RALGDS: variants seen among roughly 807,000 people sequenced by gnomAD.
RALGDS encodes ral guanine nucleotide exchange factor.
Under a neutral mutation model 99.8 loss-of-function variants are expected in RALGDS, and 44 were observed. The observed-to-expected ratio is 0.44, with a 90% CI of 0.35 to 0.57. The LOEUF is 0.57. Among genes scored for constraint, RALGDS ranks in the 20% least tolerant of loss-of-function variants. The probability of loss-of-function intolerance (pLI) is 0.01; values close to 1 mark genes in which losing one functional copy is unlikely to be tolerated. For synonymous variants in RALGDS, 529 were observed against 505.0 expected, an observed-to-expected ratio of 1.05 and a Z score of -0.64; for missense variants, 1,022 against 1,203.1, an observed-to-expected ratio of 0.85 and a Z score of 2.23.
rs1218963495 is a variant in RALGDS at position 133,105,907 on chromosome 9, C to CAG, written c.1602+24_1602+25insCT. 8.5e-5 allele frequency: 78 copies of CAG among 912,894 alleles called. No individual in the cohort carries two copies. The African/African-American group carries it at 1.6e-3, about 18-fold the overall frequency. The allele number at this position is 912,894 out of a possible 1,614,324, so 56.5% of individuals were successfully genotyped here. A position where few individuals can be genotyped will look rare whatever the true frequency, so the allele number is the denominator to read the frequency against. On this transcript the variant is annotated intron_variant, in intron 9 of 17. Transcript: ENST00000372050. The stretch of plus-strand genomic sequence containing the variant: ...CCCGCCCCAGCCCCCGCCCCAGCCC[C>CAG]CGCCCCAGCCTGCCGCCACTCCACC...
At chr9:133,143,786 CAATAATAAT>C (rs144862270) in intron 1 of RALGDS, among the ~76,000 whole-genome samples, 2,306 of 125,334 alleles carry the variant, frequency 0.018, 34 homozygotes, top group Non-Finnish European at 0.025. Flanking sequence ...ACAACAACAA[CAATAATAAT>C]AATAATAATA....
Position 133,098,134 on chromosome 9 carries a change from A to G in RALGDS, c.*453T>C. 3.5e-6 allele frequency: 1 copy of G among 288,718 alleles called. No individual in the cohort carries two copies. Among genetic ancestry groups the G allele is most frequent in the Admixed American group, 4.7e-5 (1 of 21,258 alleles). 17.9% of individuals were successfully genotyped at this position (288,718 alleles called of 1,614,324 possible). On this transcript the variant is annotated 3_prime_UTR_variant, in exon 18 of 18. Transcript: ENST00000372050. ...TTTGGTGCAGCCTGAGAAAGGCTAG[A>G]GTGGTGGGAGGGGCCGGGACCCCTG...
intron 15 of RALGDS, 28 bp from the exon 16 acceptor site, chr9:133,101,790 C>T (rs764504473): frequency 6.3e-7 from 1 of 1,579,018 alleles, no homozygotes; most frequent in Non-Finnish European, 8.6e-7. Flanking sequence ...ATCAGCAGAT[C>T]CCACTGCCCT....
chr9:133,106,064 G>T, intron 8 of RALGDS, 48 bp from the exon 9 acceptor site: 1 of 1,452,226 alleles, frequency 6.9e-7, no homozygotes, highest in Admixed American at 1.7e-5. Context: ...ATGGTAGGGA[G>T]GGGTGTGAGT....
rs760506189 is a variant in RALGDS, at chr9:133,105,943, G to C, written c.1591C>G (p.Leu531Val). ...TGCCGCCACTCCACCTTGATGAGCAGCTCCCGGCTCAATGAGTAGTTGTTC... is the reference window on the plus strand; with the variant it reads ...TGCCGCCACTCCACCTTGATGAGCACCTCCCGGCTCAATGAGTAGTTGTTC... ...DENNYSLSRE[L>V]LIKEGTSKFA... The change falls in exon 9 of 18, where the codon CTG becomes GTG. Residue 531 changes from leucine (L) to valine (V), a missense_variant. Around this residue, in one of 3 missense-constraint regions of RALGDS, gnomAD observed 825 missense variants for 994.5 expected, o/e 0.83. Coordinates refer to ENST00000372050, the MANE Select transcript of RALGDS (RefSeq NM_006266.4). 1 of 1,588,036 alleles carries C rather than the reference G, an allele frequency of 6.3e-7. No individual in the cohort carries two copies. The highest frequency in any genetic ancestry group is 8.6e-7 in the Non-Finnish European group (1 of 1,169,264).
At position 133,108,382 on chromosome 9, in the gene RALGDS, T is replaced by C; in HGVS notation, c.803A>G (p.Lys268Arg). Reference protein sequence around the residue: ...PEALSPVPALKPTPELELALT... With the variant: ...PEALSPVPALRPTPELELALT... ...AGCTAGCTCGAGCTCTGGAGTTGGTTTTAGAGCTGGCACTGGTGACAGAGC... is the reference window on the plus strand; with the variant it reads ...AGCTAGCTCGAGCTCTGGAGTTGGTCTTAGAGCTGGCACTGGTGACAGAGC... Residue 268 changes from lysine (K) to arginine (R), a missense_variant, in exon 6 of 18, where the codon AAA (lysine) becomes AGA (arginine). By Grantham distance (26) the Lys-to-Arg change is conservative. Coordinates refer to ENST00000372050, the MANE Select transcript of RALGDS (RefSeq NM_006266.4). The C allele has an allele frequency of 6.5e-7, 1 of 1,537,122 alleles. No individual in the cohort carries two copies. The highest frequency in any genetic ancestry group is 8.7e-7 in the Non-Finnish European group (1 of 1,146,888).
intron 6 of RALGDS, 97 bp downstream of exon 6, chr9:133,107,891 C>CA (rs1293308156): frequency 1.4e-6 from 2 of 1,480,950 alleles, no homozygotes; most frequent in African/African-American, 2.8e-5. Flanking sequence ...GGGATTTGAC[C>CA]AGAACATCAG....
At chr9:133,132,714 AC>A (rs768768912), upstream of RALGDS, among the ~76,000 whole-genome samples, 35 of 151,548 alleles carry the variant, frequency 2.3e-4, no homozygotes, top group Non-Finnish European at 4.1e-4. Context: ...ATCTCGGCTC[AC>A]TGCAACCTCC....
intron 17 of RALGDS, 43 bp from the exon 18 acceptor site, chr9:133,098,805 G>A (rs115989046): frequency 6.3e-5 from 101 of 1,595,584 alleles, no homozygotes; most frequent in Admixed American, 1.3e-4. Flanking sequence ...TGCTCCTGGG[G>A]GCCCTGCAGG....
At position 133,109,623 on chromosome 9, in the gene RALGDS, C is replaced by T. The variant is rs776758220; in HGVS notation, c.584+3G>A. On this transcript the variant is annotated splice_donor_region_variant and intron_variant, in intron 4 of 17. Transcript: ENST00000372050. ...CCTTCCTCTTGGCTCAAAGCTCACT[C>T]ACTTTTTAAGTTGGTCCTGGGGTCC... 3 of 1,610,562 alleles carry T rather than the reference C, an allele frequency of 1.9e-6. No homozygotes were observed. Among genetic ancestry groups the T allele is most frequent in the Non-Finnish European group, 2.5e-6 (3 of 1,176,902 alleles).
chr9:133,106,065 G>T, intron 8 of RALGDS, 49 bp from the exon 9 acceptor site: 1 of 1,426,190 alleles, frequency 7.0e-7, no homozygotes, highest in Non-Finnish European at 9.8e-7. Context: ...TGGTAGGGAG[G>T]GGTGTGAGTG....
In RALGDS at chr9:133,108,125, C is replaced by G; in HGVS notation, c.1060G>C (p.Ala354Pro). 6.2e-7 allele frequency: 1 copy of G among 1,610,802 alleles called. No individual in the cohort carries two copies. Among genetic ancestry groups the G allele is most frequent in the Non-Finnish European group, 8.5e-7 (1 of 1,177,878 alleles). The change falls in exon 6 of 18, where the codon GCT becomes CCT. Residue 354 changes from alanine (A) to proline (P), a missense_variant. Transcript: ENST00000372050. ...TGTAATGATGGAACTGGTGCTGGAG[C>G]TGGCTCCAGCTCTAGAGTTTGTGAG... The part of the protein sequence containing the change: ...APSQTLELEP[A>P]PAPVPSLQPS...
chr9:133,105,240 C>T (rs545578886), intron 9 of RALGDS, among the ~76,000 whole-genome samples: 6 of 152,272 alleles, frequency 3.9e-5, no homozygotes, highest in Non-Finnish European at 4.4e-5. Flanking sequence ...TTTCACTGAC[C>T]GGGTATGCCA....
chr9:133,111,350 G>A lies in RALGDS; in HGVS notation c.294+692C>T, dbSNP rs553464809. 7.2e-5 allele frequency among the ~76,000 whole-genome samples: 11 copies of A among 151,846 alleles called. No individual in the cohort carries two copies. In the South Asian group the frequency reaches 2.1e-3, roughly 29 times the overall value. ...GGCTAGAGTGCAGTGGTGTGATCTC[G>A]GCTCACTGCAACCTCAGCCTCCTGG... On this transcript the variant is annotated intron_variant, in intron 2 of 17. Transcript: ENST00000372050.
At position 133,100,298 on chromosome 9, in the gene RALGDS, C is replaced by G. The variant is rs1830692077; in HGVS notation, c.2539G>C (p.Glu847Gln). Reference protein sequence around the residue: ...NLEEEEPEDYELLQILSDDRK... With the variant: ...NLEEEEPEDYQLLQILSDDRK... The stretch of plus-strand genomic sequence containing the variant: ...TCATCTGAGAGAATCTGCAGCAGCT[C>G]ATAGTCCTCCGGCTCCTCCTCCTCC... Residue 847 changes from glutamate to glutamine, a missense_variant, in exon 17 of 18, where the codon GAG becomes CAG. Physicochemically the swap from Glu to Gln is conservative, Grantham distance 29. Around this residue, in one of 3 missense-constraint regions of RALGDS, gnomAD observed 825 missense variants for 994.5 expected, o/e 0.83. Coordinates refer to ENST00000372050, the MANE Select transcript of RALGDS (RefSeq NM_006266.4). The G allele has an allele frequency of 6.2e-7, 1 of 1,614,218 alleles. No homozygotes were observed. Among genetic ancestry groups the G allele is most frequent in the Admixed American group, 1.7e-5 (1 of 60,036 alleles).
At chr9:133,145,948 A>G (rs1466106884) in intron 1 of RALGDS, among the ~76,000 whole-genome samples, 1 of 152,210 alleles carries the variant, frequency 6.6e-6, no homozygotes. Flanking sequence ...TCTGGCCTTT[A>G]CAACTGTGAG....
intron 1 of RALGDS, among the ~76,000 whole-genome samples, chr9:133,138,966 C>G (rs1020229849): frequency 3.3e-5 from 5 of 152,114 alleles, no homozygotes; most frequent in African/African-American, 1.2e-4. Context: ...AAAATGCAAA[C>G]CCCCACTCCC....
chr9:133,134,991 T>C (rs1471103524), upstream of RALGDS, among the ~76,000 whole-genome samples: 1 of 152,140 alleles, frequency 6.6e-6, no homozygotes, highest in East Asian at 1.9e-4. Context: ...GGAAGACTCT[T>C]TATGACTTTT....
At chr9:133,113,586 C>T (rs371182743) in intron 1 of RALGDS, among the ~76,000 whole-genome samples, 1 of 152,236 alleles carries the variant, frequency 6.6e-6, no homozygotes, top group African/African-American at 2.4e-5. Context: ...CAGGGGAGGT[C>T]TGGCCCTTCC....
Sources: gnomAD v4.1 joint callset for allele counts (sites outside exome capture counted in the v4.1 genomes callset) on GRCh38, gnomAD v4.1.1 for gene constraint, gnomAD v4.1.1 regional missense constraint, MANE v1.5 for transcripts, NCBI Gene and HGNC (gene_info 2026-07-23, HGNC 2026-07-21) for gene names.